The following GABRG1 variants were observed in gnomAD, a reference collection of about 807,000 sequenced individuals.
GABRG1 encodes gamma-aminobutyric acid type A receptor subunit gamma1, also known as gamma-aminobutyric acid receptor subunit gamma-1.
Under a neutral mutation model 49.8 loss-of-function variants are expected in GABRG1, and 49 were observed. That is an observed-to-expected ratio of 0.98 (90% CI 0.78 to 1.25). The LOEUF is 1.25. Among genes scored for constraint, GABRG1 ranks in the 50% most tolerant of loss-of-function variants. The pLI, the probability that GABRG1 is intolerant of heterozygous loss-of-function variation, is 0.00. For synonymous variants in GABRG1, 232 were observed against 185.1 expected (o/e 1.25, Z -2.06); for missense variants, 552 against 552.3 (o/e 1.00, Z 0.01).
intron 3 of GABRG1, among the ~76,000 whole-genome samples, chr4:46,071,264 T>C (rs1719107211): frequency 6.6e-6 from 1 of 151,886 alleles, no homozygotes; most frequent in Non-Finnish European, 1.5e-5. Flanking sequence ...ATAATTTCTA[T>C]CATTATTTCA....
At position 46,103,182 on chromosome 4, in the gene GABRG1, C is replaced by G. The variant is rs937519253; in HGVS notation, c.105-5833G>C. Among the ~76,000 whole-genome samples, 4 of 151,414 alleles carry G rather than the reference C, an allele frequency of 2.6e-5. No homozygotes were observed. The Admixed American group carries it at 2.6e-4, about 10-fold the overall frequency. On this transcript the variant is annotated intron_variant, in intron 1 of 8. Coordinates refer to ENST00000295452, the MANE Select transcript of GABRG1 (RefSeq NM_173536.4). ...AAACCAGAGATGAAACTCAAAGTAG[C>G]TTAATAAGGTGCCTGAGGAATGTGA...
intron 2 of GABRG1, among the ~76,000 whole-genome samples, chr4:46,094,516 A>T (rs1720105424): frequency 6.6e-6 from 1 of 151,952 alleles, no homozygotes; most frequent in Non-Finnish European, 1.5e-5. Context: ...CCAGCACAAG[A>T]ACTAAGAGGA....
At chr4:46,048,966 T>C (rs1718111082) in intron 8 of GABRG1, among the ~76,000 whole-genome samples, 1 of 152,008 alleles carries the variant, frequency 6.6e-6, no homozygotes, top group Non-Finnish European at 1.5e-5. Context: ...TTAATTTTGC[T>C]TAATAACAGA....
At chr4:46,109,704 A>G (rs1720661015) in intron 1 of GABRG1, among the ~76,000 whole-genome samples, 1 of 151,246 alleles carries the variant, frequency 6.6e-6, no homozygotes, top group South Asian at 2.1e-4. Flanking sequence ...AGACTTTAGT[A>G]TATTGTGTCT....
Position 46,039,918 on chromosome 4 carries a change from T to C in GABRG1, c.*1070A>G, listed in dbSNP as rs1717690589. 1 of 151,782 alleles carries C rather than the reference T, an allele frequency of 6.6e-6. No homozygotes were observed. Among genetic ancestry groups the C allele is most frequent in the African/African-American group, 2.4e-5 (1 of 41,420 alleles). The allele number at this position is 151,782 out of a possible 1,614,324, so 9.4% of individuals were successfully genotyped here. On this transcript the variant is annotated 3_prime_UTR_variant, in exon 9 of 9. Coordinates refer to ENST00000295452, the MANE Select transcript of GABRG1 (RefSeq NM_173536.4). ...GCAAAACTGACAGGGTCCAAAACTT[T>C]GGAGCTGGAAGAGGCAATATGTAAC...
At chr4:46,079,533 T>A (rs1003260531) in intron 3 of GABRG1, among the ~76,000 whole-genome samples, 1 of 151,950 alleles carries the variant, frequency 6.6e-6, no homozygotes, top group Non-Finnish European at 1.5e-5. Context: ...TTATTAGTTG[T>A]TCCTTGTCCC....
At chr4:46,086,092 C>T (rs1294310783) in intron 2 of GABRG1, among the ~76,000 whole-genome samples, 2 of 151,398 alleles carry the variant, frequency 1.3e-5, no homozygotes, top group African/African-American at 2.4e-5. Context: ...AATGTGAAGG[C>T]AGGTAGAGAT....
chr4:46,041,781 A>C (rs917408819), intron 8 of GABRG1, among the ~76,000 whole-genome samples: 7 of 151,994 alleles, frequency 4.6e-5, no homozygotes, highest in African/African-American at 1.4e-4. Context: ...TAGGAATTAA[A>C]AGCTCAGACT....
chr4:46,060,863 G>T (rs1389222059), intron 5 of GABRG1, among the ~76,000 whole-genome samples: 1 of 152,024 alleles, frequency 6.6e-6, no homozygotes, highest in Non-Finnish European at 1.5e-5. Flanking sequence ...AAATAAACAT[G>T]ATTGGCTAAA....
chr4:46,043,123 T>C (rs1362190601), intron 8 of GABRG1, among the ~76,000 whole-genome samples: 1 of 151,918 alleles, frequency 6.6e-6, no homozygotes, highest in Non-Finnish European at 1.5e-5. Flanking sequence ...TAGGAGGCAA[T>C]TTTAAGATTA....
Position 46,058,288 on chromosome 4 carries a change from A to G in GABRG1, c.845T>C (p.Ile282Thr), listed in dbSNP as rs1257993026. 1 of 1,613,338 alleles carries G rather than the reference A, an allele frequency of 6.2e-7. No homozygotes were observed. The highest frequency in any genetic ancestry group is 1.7e-5 in the Admixed American group (1 of 59,930). ...YFTIQTYIPC[I>T]LTVVLSWVSF... ...CACCCAAGAAAGAACAACTGTCAGA[A>G]TGCATGGAATGTAGGTCTGAATAGT... Residue 282 changes from isoleucine to threonine, a missense_variant, in exon 7 of 9, where the codon ATT (isoleucine) becomes ACT (threonine). Transcript: ENST00000295452.
intron 8 of GABRG1, among the ~76,000 whole-genome samples, chr4:46,043,734 G>A (rs928473607): frequency 7.3e-5 from 11 of 151,404 alleles, no homozygotes; most frequent in African/African-American, 1.2e-4. Flanking sequence ...AAATAAAATC[G>A]TTTTTAAAAT....
chr4:46,046,430 C>T (rs1718001853), intron 8 of GABRG1, among the ~76,000 whole-genome samples: 1 of 152,090 alleles, frequency 6.6e-6, no homozygotes. Flanking sequence ...TGACTCTTTA[C>T]AATTGTTTAA....
At chr4:46,047,698 A>C (rs1718057170) in intron 8 of GABRG1, among the ~76,000 whole-genome samples, 1 of 151,894 alleles carries the variant, frequency 6.6e-6, no homozygotes, top group South Asian at 2.1e-4. Flanking sequence ...TATCTTATGT[A>C]TATTTGTTAT....
intron 1 of GABRG1, among the ~76,000 whole-genome samples, chr4:46,098,385 A>G (rs1577663175): frequency 6.6e-6 from 1 of 151,802 alleles, no homozygotes; most frequent in Non-Finnish European, 1.5e-5. Flanking sequence ...CCAAAAAACT[A>G]AACACTAACA....
chr4:46,048,261 T>C (rs1718077501), intron 8 of GABRG1, among the ~76,000 whole-genome samples: 2 of 151,964 alleles, frequency 1.3e-5, no homozygotes, highest in African/African-American at 2.4e-5. Flanking sequence ...ACCTGAATTA[T>C]ATACTTGCCG....
At chr4:46,101,415 G>C (rs1004749999) in intron 1 of GABRG1, among the ~76,000 whole-genome samples, 7 of 151,538 alleles carry the variant, frequency 4.6e-5, no homozygotes, top group Non-Finnish European at 5.9e-5. Flanking sequence ...GACACATTTG[G>C]ATTGTGTGTG....
intron 1 of GABRG1, among the ~76,000 whole-genome samples, chr4:46,102,790 A>G (rs1169267531): frequency 6.6e-6 from 1 of 151,718 alleles, no homozygotes; most frequent in Non-Finnish European, 1.5e-5. Context: ...ACTCTTCTAC[A>G]TAACAAACAA....
intron 1 of GABRG1, among the ~76,000 whole-genome samples, chr4:46,122,902 TA>T (rs1490735367): frequency 6.6e-6 from 1 of 152,028 alleles, no homozygotes; most frequent in Admixed American, 6.6e-5. Context: ...GTCTATGTCT[TA>T]ATCAACGTAT....
Sources: allele counts gnomAD v4.1 joint callset (sites outside exome capture counted in the v4.1 genomes callset), GRCh38; gene constraint gnomAD v4.1.1; transcripts MANE v1.5; gene names NCBI Gene and HGNC (gene_info 2026-07-23, HGNC 2026-07-21).